The following CSF1R variants were observed in gnomAD, a reference collection of about 807,000 sequenced individuals.
The protein encoded by CSF1R is colony stimulating factor 1 receptor, also known as macrophage colony-stimulating factor 1 receptor.
CSF1R carries 40 observed loss-of-function variants against 110.0 expected under a neutral mutation model. The observed-to-expected ratio is 0.36, with a 90% CI of 0.28 to 0.47. CSF1R has a LOEUF of 0.47. Ranked by LOEUF, CSF1R falls within the 20% of genes least tolerant of loss-of-function variation. The probability of loss-of-function intolerance (pLI) is 0.99; values close to 1 mark genes in which losing one functional copy is unlikely to be tolerated. For synonymous variants in CSF1R, 523 were observed against 503.4 expected, an observed-to-expected ratio of 1.04 and a Z score of -0.52; for missense variants, 1,052 against 1,253.0, an observed-to-expected ratio of 0.84 and a Z score of 2.42.
upstream of CSF1R, among the ~76,000 whole-genome samples, chr5:150,087,681 C>T (rs1051933468): frequency 5.3e-5 from 8 of 151,964 alleles, no homozygotes; most frequent in Admixed American, 1.3e-4. Flanking sequence ...TTAGTTGATT[C>T]GCTTAGTATT....
chr5:150,057,226 A>T lies in CSF1R; in HGVS notation c.2319+61T>A, dbSNP rs540800033. On this transcript the variant is annotated intron_variant, in intron 16 of 20. Transcript: ENST00000675795. The stretch of plus-strand genomic sequence containing the variant: ...CGTTTCCTCCTCCCCATCGTCACTC[A>T]TCCAGCCTCCCCGGAGCACAGACCT... 2.0e-6 allele frequency: 3 copies of T among 1,477,584 alleles called. No individual in the cohort carries two copies. The East Asian group carries it at 6.9e-5, about 34-fold the overall frequency. 91.5% of individuals were successfully genotyped at this position (1,477,584 alleles called of 1,614,324 possible).
At chr5:150,057,819 C>G (rs1472685422) in intron 14 of CSF1R, among the ~76,000 whole-genome samples, 1 of 152,220 alleles carries the variant, frequency 6.6e-6, no homozygotes, top group Admixed American at 6.5e-5. Context: ...TGAGAAAGTT[C>G]TTCACTGTTC....
At chr5:150,088,328 C>T (rs978262758), upstream of CSF1R, among the ~76,000 whole-genome samples, 4 of 152,152 alleles carry the variant, frequency 2.6e-5, no homozygotes, top group African/African-American at 7.2e-5. Context: ...GACCAGATGG[C>T]TTCACTGGTG....
intron 1 of CSF1R, chr5:150,094,462 C>G (rs1759148085): frequency 6.3e-7 from 1 of 1,597,748 alleles, no homozygotes; most frequent in South Asian, 1.1e-5. Flanking sequence ...TATGAAAAAG[C>G]AAAGCACTAT....
At chr5:150,073,254 C>A (rs989169415) in intron 6 of CSF1R, 47 bp downstream of exon 6, 2 of 1,564,280 alleles carry the variant, frequency 1.3e-6, no homozygotes, top group Non-Finnish European at 1.7e-6. Flanking sequence ...CTGAAGCATA[C>A]CCCATCTGGT....
chr5:150,113,286 T>TCTCTTC lies in CSF1R; in HGVS notation c.-212_-207dup, dbSNP rs796927717. The TCTCTTC allele has an allele frequency of 2.5e-4, 39 of 156,386 alleles. 1 individual carries two copies. The highest frequency in any genetic ancestry group is 2.1e-3 in the Middle Eastern group (2 of 962). The allele number at this position is 156,386 out of a possible 1,614,324, so 9.7% of individuals were successfully genotyped here. On this transcript the variant is annotated 5_prime_UTR_variant, in exon 1 of 22. Transcript: ENST00000286301. ...CCTGGCCGCAGTTCCCTCCGCTTCCTCTCTTCCTCTTCCTCTTCCTCTTCT... is the reference window on the plus strand; with the variant it reads ...CCTGGCCGCAGTTCCCTCCGCTTCCTCTCTTCCTCTTCCTCTTCCTCTTCCTCTTCT...
At chr5:150,074,904 T>C (rs1310381522) in intron 5 of CSF1R, among the ~76,000 whole-genome samples, 1 of 152,118 alleles carries the variant, frequency 6.6e-6, no homozygotes, top group Non-Finnish European at 1.5e-5. Context: ...CACACCATAG[T>C]CATTCCAACC....
rs1175717283 is a variant in CSF1R, at chr5:150,061,799, G to C, written c.1677C>G (p.Asn559Lys). 6.2e-7 allele frequency: 1 copy of C among 1,614,224 alleles called. No individual in the cohort carries two copies. The highest frequency in any genetic ancestry group is 8.5e-7 in the Non-Finnish European group (1 of 1,180,046). The part of the protein sequence containing the change: ...RWKIIESYEG[N>K]SYTFIDPTQL... Reference sequence around the variant, plus strand: ...GCGTGGGGTCGATGAAAGTATAACTGTTGCCCTCATAGCTCTCGATGATCT... The same window carrying C: ...GCGTGGGGTCGATGAAAGTATAACTCTTGCCCTCATAGCTCTCGATGATCT... The change falls in exon 11 of 21, where the codon AAC becomes AAG. Residue 559 changes from asparagine (N) to lysine (K), a missense_variant. Around this residue, in one of 5 missense-constraint regions of CSF1R, gnomAD observed 693 missense variants for 735.4 expected, o/e 0.94. Transcript: ENST00000675795.
At chr5:150,085,225 G>A (rs1030912926) in intron 1 of CSF1R, among the ~76,000 whole-genome samples, 16 of 142,904 alleles carry the variant, frequency 1.1e-4, no homozygotes, top group East Asian at 1.1e-3. Flanking sequence ...GCAGTGAGCC[G>A]AGATTGTGCC....
intron 5 of CSF1R, 38 bp from the exon 6 acceptor site, chr5:150,073,531 G>A (rs1758121921): frequency 6.3e-7 from 1 of 1,587,320 alleles, no homozygotes; most frequent in Non-Finnish European, 8.6e-7. Flanking sequence ...GCATTAGTGG[G>A]AAGATGTCCT....
chr5:150,073,474 C>G lies in CSF1R; in HGVS notation c.909G>C (p.Leu303Phe). 6.2e-7 allele frequency: 1 copy of G among 1,613,716 alleles called. No individual in the cohort carries two copies. The highest frequency in any genetic ancestry group is 8.5e-7 in the Non-Finnish European group (1 of 1,179,728). Residue 303 changes from leucine (L) to phenylalanine (F), a missense_variant, in exon 6 of 21, where the codon TTG becomes TTC. Around this residue, in one of 5 missense-constraint regions of CSF1R, gnomAD observed 693 missense variants for 735.4 expected, o/e 0.94. Transcript: ENST00000675795. ...FRVVESAYLNLSSEQNLIQEV... is the reference protein window; with the variant it reads ...FRVVESAYLNFSSEQNLIQEV... ...CCTGGATGAGGTTCTGCTCAGAGCT[C>G]AAGTTCAAGTAGGCACTCTCTGGAA...
intron 3 of CSF1R, among the ~76,000 whole-genome samples, chr5:150,079,121 C>T (rs1397914644): frequency 6.6e-6 from 1 of 152,198 alleles, no homozygotes. Flanking sequence ...AAAGGACTCA[C>T]CCAAGGTCCC....
At chr5:150,098,414 G>A (rs971363945) in intron 1 of CSF1R, 1 of 152,778 alleles carries the variant, frequency 6.5e-6, no homozygotes, top group South Asian at 2.1e-4. Flanking sequence ...TAGGCTGTCT[G>A]AGTGCAGTGG....
chr5:150,103,189 C>T (rs1404210074), intron 1 of CSF1R, among the ~76,000 whole-genome samples: 2 of 152,218 alleles, frequency 1.3e-5, no homozygotes, highest in Non-Finnish European at 2.9e-5. Flanking sequence ...GGTAGCTGGG[C>T]GCCACTCCCC....
At chr5:150,081,047 G>A (rs769118674) in intron 1 of CSF1R, 23 bp from the exon 2 acceptor site, 5 of 1,613,000 alleles carry the variant, frequency 3.1e-6, no homozygotes, top group Non-Finnish European at 8.5e-7. Context: ...AGGGACAGCA[G>A]ACAGAAGTGA....
In CSF1R at chr5:150,093,593, G is replaced by A. The variant is rs370776133; in HGVS notation, c.-180-6986C>T. On this transcript the variant is annotated intron_variant, in intron 1 of 21. Transcript: ENST00000286301. ...AAAGGAAGACAAAGATGGAAAGAAA[G>A]AAGACCAGATAGAATGAATAGAAAA... Among the ~76,000 whole-genome samples the A allele has an allele frequency of 4.6e-5, 7 of 152,292 alleles. No individual in the cohort carries two copies. In the South Asian group the frequency reaches 1.0e-3, roughly 23 times the overall value.
At chr5:150,077,238 G>A (rs779029396) in intron 5 of CSF1R, 38 bp downstream of exon 5, 2 of 1,613,378 alleles carry the variant, frequency 1.2e-6, no homozygotes, top group Non-Finnish European at 1.7e-6. Flanking sequence ...ACTCCTGCAG[G>A]ATCCCTACCG....
chr5:150,091,030 G>GA (rs1270884906), upstream of CSF1R, among the ~76,000 whole-genome samples: 1 of 152,052 alleles, frequency 6.6e-6, no homozygotes, highest in African/African-American at 2.4e-5. Context: ...CAGAGCACAT[G>GA]AAAAAATACT....
chr5:150,078,674 C>T (rs1758391346), intron 3 of CSF1R, among the ~76,000 whole-genome samples: 1 of 152,224 alleles, frequency 6.6e-6, no homozygotes, highest in South Asian at 2.1e-4. Context: ...ACAGCCCAAC[C>T]TGTTTCTGAC....
Sources: gnomAD v4.1 joint callset for allele counts (sites outside exome capture counted in the v4.1 genomes callset) on GRCh38, gnomAD v4.1.1 for gene constraint, gnomAD v4.1.1 regional missense constraint, MANE v1.5 for transcripts, NCBI Gene and HGNC (gene_info 2026-07-23, HGNC 2026-07-21) for gene names.